SLC25A51: variants seen among roughly 807,000 people sequenced by gnomAD.
SLC25A51 encodes solute carrier family 25 member 51, also known as mitochondrial nicotinamide adenine dinucleotide transporter SLC25A51.
In SLC25A51, 11 loss-of-function variants were observed where a neutral mutation model predicts 19.1. That is an observed-to-expected ratio of 0.58 (90% CI 0.36 to 0.96). The LOEUF (loss-of-function observed/expected upper bound fraction) is 0.96. Ranked by LOEUF, SLC25A51 falls within the 40% of genes least tolerant of loss-of-function variation. The pLI is 0.01. For missense variants in SLC25A51, 201 were observed against 365.4 expected (o/e 0.55, Z 3.67); for synonymous variants, 105 against 133.6 (o/e 0.79, Z 1.47).
At chr9:37,887,573 T>C, downstream of SLC25A51, 1 of 1,295,018 alleles carries the variant, frequency 7.7e-7, no homozygotes, top group Non-Finnish European at 1.0e-6. Flanking sequence ...GGATTTCCTT[T>C]AAAAAAAAAA....
intron 1 of SLC25A51, among the ~76,000 whole-genome samples, chr9:37,901,651 T>C (rs962533904): frequency 6.6e-6 from 1 of 152,168 alleles, no homozygotes; most frequent in African/African-American, 2.4e-5. Context: ...AGTGTTGTTA[T>C]TCACAGTAAA....
At chr9:37,895,111 T>C (rs1831687368) in intron 2 of SLC25A51, among the ~76,000 whole-genome samples, 1 of 152,242 alleles carries the variant, frequency 6.6e-6, no homozygotes, top group African/African-American at 2.4e-5. Context: ...AGTAGAACTA[T>C]TCCTTTGGGT....
chr9:37,885,853 G>A, downstream of SLC25A51: 1 of 1,601,852 alleles, frequency 6.2e-7, no homozygotes, highest in Non-Finnish European at 8.6e-7. Context: ...ATCACACTCT[G>A]CATAGTGTTC....
At chr9:37,887,473 G>A (rs1489262278), downstream of SLC25A51, 48 of 653,192 alleles carry the variant, frequency 7.3e-5, no homozygotes, top group Non-Finnish European at 1.1e-4. Flanking sequence ...TCCTTTGTGT[G>A]GTAGGACTTG....
intron 2 of SLC25A51, among the ~76,000 whole-genome samples, chr9:37,896,616 C>T (rs538300575): frequency 6.8e-4 from 103 of 152,144 alleles, no homozygotes; most frequent in African/African-American, 2.1e-3. Flanking sequence ...GCCAACATGG[C>T]GAAACTCCAT....
chr9:37,881,371 T>A (rs549599180), intron 3 of SLC25A51: 3 of 152,146 alleles, frequency 2.0e-5, no homozygotes, highest in African/African-American at 7.2e-5. Flanking sequence ...AGAAATAAAA[T>A]GTGGCCAGGC....
At chr9:37,888,713 G>A in intron 2 of SLC25A51, 121 bp from the exon 3 acceptor site, 1 of 780,796 alleles carries the variant, frequency 1.3e-6, no homozygotes, top group South Asian at 2.0e-5. Flanking sequence ...CTAGATCAGT[G>A]ATTCTTAAAG....
In SLC25A51 at chr9:37,888,066, T is replaced by C. The variant is rs766485848; in HGVS notation, c.485A>G (p.Lys162Arg). The change falls in exon 3 of 3, where the codon AAG (lysine) becomes AGG (arginine). Residue 162 changes from lysine (K) to arginine (R), a missense_variant. Physicochemically the swap from Lys to Arg is conservative, Grantham distance 26 (BLOSUM62 2). Transcript: ENST00000242275. The stretch of plus-strand genomic sequence containing the variant: ...TCCAATTCCATGACATTTCAGTGCC[T>C]TGAAAGCCTGGTAAGTGTTGGTAAA... ...DKFTNTYQAFKALKCHGIGEY... is the reference protein window; with the variant it reads ...DKFTNTYQAFRALKCHGIGEY... 35 of 1,613,846 alleles carry C rather than the reference T, an allele frequency of 2.2e-5. No individual in the cohort carries two copies. Among genetic ancestry groups the C allele is most frequent in the Non-Finnish European group, 3.0e-5 (35 of 1,179,858 alleles).
rs1281255479 is a variant in SLC25A51 at position 37,887,691 on chromosome 9, T to C, written c.860A>G (p.Asn287Ser). Residue 287 changes from asparagine (N) to serine (S), a missense_variant, in exon 3 of 3, where the codon AAT (asparagine) becomes AGT (serine). By Grantham distance (46) the Asn-to-Ser change is conservative. Coordinates refer to ENST00000242275, the MANE Select transcript of SLC25A51 (RefSeq NM_033412.4). Reference protein sequence around the residue: ...HRSLISWGIINATYEFLLKVI With the variant: ...HRSLISWGIISATYEFLLKVI ...CTTTAACAAGAACTCATAAGTTGCATTGATTATGCCCCAAGAGATGAGGGA... is the reference window on the plus strand; with the variant it reads ...CTTTAACAAGAACTCATAAGTTGCACTGATTATGCCCCAAGAGATGAGGGA... 9.3e-6 allele frequency: 15 copies of C among 1,612,154 alleles called. No individual in the cohort carries two copies. Among genetic ancestry groups the C allele is most frequent in the East Asian group, 2.2e-5 (1 of 44,870 alleles).
chr9:37,883,594 C>T (rs1309669159), downstream of SLC25A51, among the ~76,000 whole-genome samples: 1 of 152,138 alleles, frequency 6.6e-6, no homozygotes, highest in African/African-American at 2.4e-5. Context: ...ATTCCCAGGG[C>T]CAAGGTATAA....
chr9:37,879,388 G>C (rs1186818292), downstream of SLC25A51: 1 of 187,548 alleles, frequency 5.3e-6, no homozygotes, highest in Non-Finnish European at 1.3e-5. Context: ...AGCTCAGTTT[G>C]CTACTCAGAT....
chr9:37,898,310 C>T (rs1831765500), intron 2 of SLC25A51, among the ~76,000 whole-genome samples: 1 of 152,212 alleles, frequency 6.6e-6, no homozygotes, highest in Non-Finnish European at 1.5e-5. Context: ...AATCCCAGCA[C>T]TTTGGGAGGC....
At chr9:37,882,341 T>C (rs1831364960) in intron 2 of SLC25A51, among the ~76,000 whole-genome samples, 1 of 152,234 alleles carries the variant, frequency 6.6e-6, no homozygotes, top group African/African-American at 2.4e-5. Flanking sequence ...TCAACATGAT[T>C]GGCTTCACTC....
intron 2 of SLC25A51, among the ~76,000 whole-genome samples, chr9:37,896,918 C>T (rs145907068): frequency 1.8e-4 from 27 of 152,220 alleles, no homozygotes; most frequent in African/African-American, 4.6e-4. Flanking sequence ...GGAGATAAGA[C>T]GTGCAAATTA....
intron 2 of SLC25A51, among the ~76,000 whole-genome samples, chr9:37,890,281 T>C (rs1397361648): frequency 6.6e-6 from 1 of 152,078 alleles, no homozygotes; most frequent in Admixed American, 6.6e-5. Context: ...CTATGTGGGA[T>C]GCTGAGGTGG....
intron 2 of SLC25A51, among the ~76,000 whole-genome samples, chr9:37,893,028 C>T (rs1831633046): frequency 1.3e-5 from 2 of 152,014 alleles, no homozygotes; most frequent in South Asian, 4.1e-4. Context: ...GTGTGGGCCA[C>T]AGCGCCTGGC....
intron 2 of SLC25A51, among the ~76,000 whole-genome samples, chr9:37,888,922 A>G (rs1478953232): frequency 1.3e-5 from 2 of 152,240 alleles, no homozygotes; most frequent in African/African-American, 4.8e-5. Flanking sequence ...AAACTGTAAA[A>G]TATTTTCTAA....
At chr9:37,891,153 C>A (rs149036650) in intron 2 of SLC25A51, among the ~76,000 whole-genome samples, 3 of 152,232 alleles carry the variant, frequency 2.0e-5, no homozygotes, top group Admixed American at 6.5e-5. Flanking sequence ...CCTTCTAAGA[C>A]TACAGATTAA....
intron 2 of SLC25A51, 144 bp from the exon 3 acceptor site, chr9:37,888,736 A>G (rs1831517731): frequency 1.4e-6 from 1 of 693,238 alleles, no homozygotes; most frequent in Non-Finnish European, 2.3e-6. Flanking sequence ...TTTTCAGAAG[A>G]CCCCTGGAAG....
Sources: gnomAD v4.1 joint callset for allele counts (sites outside exome capture counted in the v4.1 genomes callset) on GRCh38, gnomAD v4.1.1 for gene constraint, MANE v1.5 for transcripts, NCBI Gene and HGNC (gene_info 2026-07-23, HGNC 2026-07-21) for gene names.